The following MME variants were observed in gnomAD, a reference collection of about 807,000 sequenced individuals.
The protein encoded by MME is neprilysin.
In MME, 98 loss-of-function variants were observed where a neutral mutation model predicts 113.2. The ratio of observed to expected loss-of-function variants is 0.87; its 90% CI spans 0.74 to 1.02. The LOEUF is 1.02. Ranked by LOEUF, MME falls within the 50% of genes least tolerant of loss-of-function variation. The pLI, the probability that MME is intolerant of heterozygous loss-of-function variation, is 0.00. For missense variants in MME, 836 were observed against 896.0 expected (o/e 0.93, Z 0.86); for synonymous variants, 292 against 300.6 (o/e 0.97, Z 0.30).
chr3:155,113,238 G>A (rs931890128), intron 3 of MME, among the ~76,000 whole-genome samples: 10 of 152,214 alleles, frequency 6.6e-5, no homozygotes, highest in African/African-American at 1.9e-4. Flanking sequence ...GGGGAAGGTA[G>A]GGTGATACGT....
At chr3:155,178,307 T>TA (rs1712758809) in intron 22 of MME, among the ~76,000 whole-genome samples, 2 of 152,126 alleles carry the variant, frequency 1.3e-5, no homozygotes, top group African/African-American at 4.8e-5. Context: ...TGGAGAGGGA[T>TA]AGAGAAGTTA....
chr3:155,072,868 A>C (rs1372094199), intron 1 of MME, among the ~76,000 whole-genome samples: 2 of 152,212 alleles, frequency 1.3e-5, no homozygotes, highest in East Asian at 3.8e-4. Flanking sequence ...AAGTTTACCA[A>C]AGTTTAGTTT....
intron 1 of MME, among the ~76,000 whole-genome samples, chr3:155,062,865 G>A (rs1036503132): frequency 6.6e-6 from 1 of 151,254 alleles, no homozygotes; most frequent in African/African-American, 2.4e-5. Flanking sequence ...GTGAAACCCT[G>A]TCTCTACTAA....
intron 3 of MME, among the ~76,000 whole-genome samples, chr3:155,110,854 A>C (rs61763238): frequency 0.058 from 8,802 of 152,304 alleles, 385 homozygotes; most frequent in East Asian, 0.17. Context: ...GCTTTTATAC[A>C]GATTTTAAAA....
chr3:155,177,515 T>C (rs765033076), intron 22 of MME, among the ~76,000 whole-genome samples: 5 of 152,218 alleles, frequency 3.3e-5, no homozygotes, highest in Non-Finnish European at 5.9e-5. Flanking sequence ...TTGACTACAT[T>C]ATAGAAGTGA....
chr3:155,175,121 G>A (rs1712393993), intron 22 of MME, among the ~76,000 whole-genome samples: 1 of 151,422 alleles, frequency 6.6e-6, no homozygotes, highest in Admixed American at 6.6e-5. Context: ...GAAAAAAAAA[G>A]CCTAACCTTT....
At chr3:155,061,429 C>A (rs1362336264) in intron 1 of MME, among the ~76,000 whole-genome samples, 1 of 128,950 alleles carries the variant, frequency 7.8e-6, no homozygotes, top group Non-Finnish European at 1.6e-5. Flanking sequence ...CCAACCTGGG[C>A]GACAGAGCGA....
intron 17 of MME, among the ~76,000 whole-genome samples, 157 bp downstream of exon 17, chr3:155,160,605 C>T (rs377690754): frequency 3.3e-5 from 5 of 152,054 alleles, no homozygotes; most frequent in Non-Finnish European, 5.9e-5. Context: ...ATCCGTGTAC[C>T]TTCTTTCACT....
chr3:155,085,133 A>G (rs751888468), intron 3 of MME, 39 bp downstream of exon 3: 3 of 1,274,622 alleles, frequency 2.4e-6, no homozygotes, highest in Admixed American at 3.5e-5. Flanking sequence ...TATACAACTG[A>G]TGTATAATAT....
At chr3:155,176,745 G>A (rs1712566200) in intron 22 of MME, among the ~76,000 whole-genome samples, 1 of 152,154 alleles carries the variant, frequency 6.6e-6, no homozygotes, top group Admixed American at 6.6e-5. Context: ...AGGATTGCTT[G>A]AACCCAGGAG....
At chr3:155,044,613 G>A (rs765046371) in intron 1 of MME, among the ~76,000 whole-genome samples, 29 of 151,972 alleles carry the variant, frequency 1.9e-4, no homozygotes, top group Middle Eastern at 3.4e-3. Flanking sequence ...TCTGCCTCCC[G>A]GGTTCAAGCG....
At chr3:155,153,075 C>A (rs1722053927) in intron 16 of MME, among the ~76,000 whole-genome samples, 1 of 150,812 alleles carries the variant, frequency 6.6e-6, no homozygotes, top group South Asian at 2.1e-4. Flanking sequence ...CTCACTCTGT[C>A]ACCCAGGTTG....
chr3:155,079,053 T>A (rs1292713034), upstream of MME, among the ~76,000 whole-genome samples: 2 of 152,048 alleles, frequency 1.3e-5, no homozygotes, highest in African/African-American at 4.8e-5. Flanking sequence ...TAAGATTCCC[T>A]GAAGTCAGGA....
chr3:155,155,188 G>A (rs1270533639), intron 16 of MME, among the ~76,000 whole-genome samples: 1 of 152,024 alleles, frequency 6.6e-6, no homozygotes, highest in Non-Finnish European at 1.5e-5. Flanking sequence ...TTCCAGAGGG[G>A]GAAGGGGAAT....
chr3:155,172,082 A>T, intron 20 of MME, 35 bp from the exon 21 acceptor site: 1 of 1,196,008 alleles, frequency 8.4e-7, no homozygotes, highest in Non-Finnish European at 1.2e-6. Context: ...CTTAGGAATT[A>T]ATATTATTGT....
At chr3:155,126,084 A>G (rs189035165) in intron 8 of MME, among the ~76,000 whole-genome samples, 2 of 152,346 alleles carry the variant, frequency 1.3e-5, no homozygotes, top group East Asian at 3.9e-4. Flanking sequence ...AGAAAAAGAT[A>G]TATCATCAAA....
At chr3:155,094,857 T>G (rs1198812395) in intron 3 of MME, among the ~76,000 whole-genome samples, 4 of 152,216 alleles carry the variant, frequency 2.6e-5, no homozygotes, top group African/African-American at 9.6e-5. Context: ...TTGAAGTAAG[T>G]AAGTCAGAGG....
At chr3:155,054,877 C>G (rs1430697912) in intron 1 of MME, among the ~76,000 whole-genome samples, 1 of 152,140 alleles carries the variant, frequency 6.6e-6, no homozygotes, top group Non-Finnish European at 1.5e-5. Flanking sequence ...TGAGACCTCA[C>G]AAGAGCATAT....
intron 3 of MME, among the ~76,000 whole-genome samples, chr3:155,101,373 A>G (rs1391211014): frequency 6.6e-6 from 1 of 152,176 alleles, no homozygotes; most frequent in Admixed American, 6.5e-5. Context: ...AAAGTTGACA[A>G]ATTGGTTGAG....
Sources: gnomAD v4.1 joint callset for allele counts (sites outside exome capture counted in the v4.1 genomes callset) on GRCh38, gnomAD v4.1.1 for gene constraint, MANE v1.5 for transcripts, NCBI Gene and HGNC (gene_info 2026-07-23, HGNC 2026-07-21) for gene names.